Variants in SLC20A2 observed in about 807,000 individuals in gnomAD.
The protein encoded by SLC20A2 is sodium-dependent phosphate transporter 2.
Under a neutral mutation model 61.0 loss-of-function variants are expected in SLC20A2, and 30 were observed. That is an observed-to-expected ratio of 0.49 (90% CI 0.37 to 0.67). The LOEUF is 0.67. SLC20A2 is among the 30% of genes least tolerant of loss of function. The pLI is 0.00. For missense variants in SLC20A2, 626 were observed against 866.4 expected, an observed-to-expected ratio of 0.72 and a Z score of 3.48; for synonymous variants, 351 against 353.3, an observed-to-expected ratio of 0.99 and a Z score of 0.07.
intron 2 of SLC20A2, chr8:42,471,074 T>G: frequency 2.3e-6 from 1 of 438,330 alleles, no homozygotes; most frequent in Non-Finnish European, 4.6e-6. Context: ...TACCTCCTGC[T>G]GCAGGACTCT....
intron 2 of SLC20A2, chr8:42,471,220 A>G: frequency 4.4e-6 from 2 of 456,248 alleles, no homozygotes; most frequent in Non-Finnish European, 8.8e-6. Flanking sequence ...AAGCAGAAAA[A>G]GAATCCTGTC....
At chr8:42,473,380 C>T (rs1486197260) in intron 1 of SLC20A2, among the ~76,000 whole-genome samples, 1 of 152,074 alleles carries the variant, frequency 6.6e-6, no homozygotes, top group Non-Finnish European at 1.5e-5. Flanking sequence ...CCTCTCCCCT[C>T]CCTCACAATG....
intron 3 of SLC20A2, among the ~76,000 whole-genome samples, chr8:42,463,782 G>A (rs1015903729): frequency 1.3e-5 from 2 of 152,156 alleles, no homozygotes; most frequent in Non-Finnish European, 2.9e-5. Flanking sequence ...GGGTTTCCTT[G>A]TGGTTTGTGC....
At chr8:42,502,420 C>T (rs2131351378), upstream of SLC20A2, 1 of 152,360 alleles carries the variant, frequency 6.6e-6, no homozygotes, top group South Asian at 2.1e-4. Context: ...AAAAAGCCCT[C>T]CTTGACTCTC....
At chr8:42,442,720 T>C (rs1206504758) in intron 6 of SLC20A2, among the ~76,000 whole-genome samples, 1 of 152,258 alleles carries the variant, frequency 6.6e-6, no homozygotes, top group African/African-American at 2.4e-5. Context: ...TGTCTAAATC[T>C]ACAAAATATC....
chr8:42,485,545 G>A (rs1420509287), intron 1 of SLC20A2, among the ~76,000 whole-genome samples: 4 of 150,934 alleles, frequency 2.7e-5, no homozygotes, highest in Non-Finnish European at 5.9e-5. Flanking sequence ...AGAAGGCTGA[G>A]GCAGGAGAAT....
intron 5 of SLC20A2, among the ~76,000 whole-genome samples, chr8:42,453,967 A>G (rs1473285004): frequency 6.6e-6 from 1 of 152,094 alleles, no homozygotes; most frequent in East Asian, 1.9e-4. Context: ...CTGGCGGCCA[A>G]CTTAAGGGAC....
intron 1 of SLC20A2, among the ~76,000 whole-genome samples, chr8:42,500,443 AAG>A (rs1346976797): frequency 6.6e-6 from 1 of 152,238 alleles, no homozygotes; most frequent in African/African-American, 2.4e-5. Flanking sequence ...CTCAGTCTAA[AAG>A]AGGATGCTTT....
intron 10 of SLC20A2, among the ~76,000 whole-genome samples, chr8:42,424,460 C>T (rs1221754652): frequency 6.6e-6 from 1 of 152,128 alleles, no homozygotes; most frequent in Non-Finnish European, 1.5e-5. Flanking sequence ...GGATTATAGG[C>T]ATGAGCCACC....
At chr8:42,507,563 T>C (rs927767871) in intron 1 of SLC20A2, among the ~76,000 whole-genome samples, 5 of 152,246 alleles carry the variant, frequency 3.3e-5, no homozygotes, top group Non-Finnish European at 7.3e-5. Flanking sequence ...TGGAATTCTC[T>C]TGGGGCTTTC....
In SLC20A2 at chr8:42,478,212, C is replaced by CTTTTTTT. The variant is rs35343530; in HGVS notation, c.-264-5565_-264-5559dup. Among the ~76,000 whole-genome samples, 15 of 127,534 alleles carry CTTTTTTT rather than the reference C, an allele frequency of 1.2e-4. 1 individual carries two copies. Among genetic ancestry groups the CTTTTTTT allele is most frequent in the Non-Finnish European group, 1.9e-4 (12 of 61,556 alleles). The allele number at this position is 127,534 out of a possible 152,430, so 83.7% of individuals were successfully genotyped here. On this transcript the variant is annotated intron_variant, in intron 1 of 10. Coordinates refer to ENST00000520262, the MANE Select transcript of SLC20A2 (RefSeq NM_001257180.2). ...TGGCAATTTCTTTTCTTTTCCTTTT[C>CTTTTTTT]TTTTTTTTTTTTTTTTTGAGATGTA...
At chr8:42,477,893 C>CT (rs796340972) in intron 1 of SLC20A2, among the ~76,000 whole-genome samples, 124 of 145,648 alleles carry the variant, frequency 8.5e-4, no homozygotes, top group African/African-American at 1.4e-3. Flanking sequence ...TTGGCAATTT[C>CT]TTTTTTTTTT....
chr8:42,495,379 C>G (rs977037616), intron 1 of SLC20A2, among the ~76,000 whole-genome samples: 3 of 152,170 alleles, frequency 2.0e-5, no homozygotes, highest in African/African-American at 7.2e-5. Flanking sequence ...ATGGGTTTCA[C>G]AGACTCTACT....
At chr8:42,537,069 T>A (rs1371311611) in intron 1 of SLC20A2, among the ~76,000 whole-genome samples, 1 of 148,404 alleles carries the variant, frequency 6.7e-6, no homozygotes. Flanking sequence ...AGCCGGAGTC[T>A]GTTTAAAAAA....
intron 1 of SLC20A2, among the ~76,000 whole-genome samples, chr8:42,482,961 G>A (rs1054208931): frequency 4.6e-5 from 7 of 151,938 alleles, no homozygotes; most frequent in Non-Finnish European, 8.8e-5. Flanking sequence ...CAGGAGAGTC[G>A]CTTGAACCCA....
At chr8:42,534,559 T>A (rs1467713969) in intron 1 of SLC20A2, 1 of 152,192 alleles carries the variant, frequency 6.6e-6, no homozygotes. Flanking sequence ...CTATTCTTGA[T>A]CCTAGAAAAT....
intron 1 of SLC20A2, among the ~76,000 whole-genome samples, chr8:42,535,621 G>C (rs936693942): frequency 2.6e-5 from 4 of 152,184 alleles, no homozygotes; most frequent in African/African-American, 9.7e-5. Context: ...CCAGCCATAG[G>C]ATTCTGAAAC....
intron 1 of SLC20A2, among the ~76,000 whole-genome samples, chr8:42,540,591 C>T (rs942026570): frequency 1.3e-5 from 2 of 152,096 alleles, no homozygotes; most frequent in South Asian, 2.1e-4. Context: ...TTACCCTAGA[C>T]GAAGGTGAGT....
chr8:42,526,980 C>A (rs537571851), intron 1 of SLC20A2, among the ~76,000 whole-genome samples: 18 of 151,628 alleles, frequency 1.2e-4, no homozygotes, highest in African/African-American at 4.1e-4. Context: ...TGGCGTGCGC[C>A]TATAGTACCA....
Sources: gnomAD v4.1 joint callset for allele counts (sites outside exome capture counted in the v4.1 genomes callset) on GRCh38, gnomAD v4.1.1 for gene constraint, MANE v1.5 for transcripts, NCBI Gene and HGNC (gene_info 2026-07-23, HGNC 2026-07-21) for gene names.